ADGRE3: variants seen among roughly 807,000 people sequenced by gnomAD.
ADGRE3 encodes the protein EGF-like module receptor 3.
In ADGRE3, 88 loss-of-function variants were observed where a neutral mutation model predicts 80.1. That is an observed-to-expected ratio of 1.10 (90% CI 0.93 to 1.31). The LOEUF (loss-of-function observed/expected upper bound fraction) is 1.31. Among genes scored for constraint, ADGRE3 ranks in the 40% most tolerant of loss-of-function variants. ADGRE3 has a pLI of 0.00. For synonymous variants in ADGRE3, 281 were observed against 294.8 expected (o/e 0.95, Z 0.48); for missense variants, 715 against 776.5 (o/e 0.92, Z 0.94).
At chr19:14,620,463 T>TATGTATATTCATGTATATATGAATATAG (rs1970523360) in intron 15 of ADGRE3, among the ~76,000 whole-genome samples, 2 of 119,106 alleles carry the variant, frequency 1.7e-5, no homozygotes, top group African/African-American at 6.2e-5. Context: ...TATGAATATA[T>TATGTATATTCATGTATATATGAATATAG]GAATATATTA....
chr19:14,637,988 T>C, intron 11 of ADGRE3, 117 bp downstream of exon 11: 2 of 737,820 alleles, frequency 2.7e-6, no homozygotes, highest in Non-Finnish European at 4.7e-6. Flanking sequence ...GTTAGAGCTG[T>C]TATAAAGGAG....
chr19:14,645,430 G>A (rs1276389657), intron 8 of ADGRE3, among the ~76,000 whole-genome samples: 3 of 152,126 alleles, frequency 2.0e-5, no homozygotes, highest in African/African-American at 7.2e-5. Context: ...AAGCCAAGGC[G>A]GGTGGATCAC....
rs1319799727 is a variant in ADGRE3 at position 14,623,291 on chromosome 19, A to T, written c.1920+2201T>A. ...TAAATATGCCTAAAATACTTAAAAA[A>T]AAAAAAATAAAAAAAAAAAAAAATA... On this transcript the variant is annotated intron_variant, in intron 15 of 15. Coordinates refer to ENST00000253673, the MANE Select transcript of ADGRE3 (RefSeq NM_032571.5). 3.2e-4 allele frequency among the ~76,000 whole-genome samples: 7 copies of T among 22,078 alleles called. 1 individual carries two copies. Among genetic ancestry groups the T allele is most frequent in the African/African-American group, 8.6e-4 (5 of 5,800 alleles). The allele number at this position is 22,078 out of a possible 152,430, so 14.5% of individuals were successfully genotyped here.
In ADGRE3 at chr19:14,633,118, G is replaced by T. The variant is rs148098184; in HGVS notation, c.1552-106C>A. The T allele has an allele frequency of 5.6e-6, 7 of 1,244,092 alleles. No homozygotes were observed. The African/African-American group carries it at 8.9e-5, about 16-fold the overall frequency. The allele number at this position is 1,244,092 out of a possible 1,614,324, so 77.1% of individuals were successfully genotyped here. On this transcript the variant is annotated intron_variant, in intron 12 of 15. Transcript: ENST00000253673. The stretch of plus-strand genomic sequence containing the variant: ...ACCCTCTTGTACATGGGACTGAATT[G>T]GTAGCAGGTGGAAAATCAAACCACC...
At chr19:14,617,289 TTCTC>T (rs1272535101), downstream of ADGRE3, among the ~76,000 whole-genome samples, 2 of 150,230 alleles carry the variant, frequency 1.3e-5, no homozygotes, top group Non-Finnish European at 3.0e-5. Flanking sequence ...TTCTTTCTCT[TTCTC>T]TCTCTCTTCC....
At chr19:14,660,271 A>G (rs1012946044) in intron 4 of ADGRE3, among the ~76,000 whole-genome samples, 1 of 152,198 alleles carries the variant, frequency 6.6e-6, no homozygotes, top group Non-Finnish European at 1.5e-5. Context: ...TTAACATCAG[A>G]ACCCAGGTAG....
intron 4 of ADGRE3, among the ~76,000 whole-genome samples, chr19:14,660,660 C>A (rs986522139): frequency 1.3e-5 from 2 of 151,898 alleles, no homozygotes; most frequent in Non-Finnish European, 2.9e-5. Flanking sequence ...ATTATCCCTA[C>A]GGTAGTCAAT....
chr19:14,620,144 C>T (rs1970497337), intron 15 of ADGRE3, among the ~76,000 whole-genome samples: 1 of 151,946 alleles, frequency 6.6e-6, no homozygotes, highest in Non-Finnish European at 1.5e-5. Flanking sequence ...GAAAGTTAAC[C>T]CAAGGTCAAA....
chr19:14,665,287 T>C (rs1972061261), intron 2 of ADGRE3, among the ~76,000 whole-genome samples: 1 of 151,656 alleles, frequency 6.6e-6, no homozygotes, highest in African/African-American at 2.4e-5. Context: ...TTGGTCTTGA[T>C]CTCCTGACCT....
At chr19:14,645,958 T>A (rs1029955991) in intron 8 of ADGRE3, among the ~76,000 whole-genome samples, 2 of 152,176 alleles carry the variant, frequency 1.3e-5, no homozygotes, top group African/African-American at 4.8e-5. Context: ...GACAACAGAA[T>A]GAGACCCTTT....
chr19:14,662,226 G>C, intron 3 of ADGRE3, 108 bp from the exon 4 acceptor site: 2 of 1,104,984 alleles, frequency 1.8e-6, no homozygotes, highest in Non-Finnish European at 2.6e-6. Context: ...CTGGCTTTCC[G>C]AGACAAATCA....
chr19:14,615,966 C>CTT (rs376499489), downstream of ADGRE3, among the ~76,000 whole-genome samples: 37,347 of 141,190 alleles, frequency 0.26, 5,244 homozygotes, highest in Admixed American at 0.32. Flanking sequence ...CTCTGCCTTA[C>CTT]TTTTTTTTTT....
intron 6 of ADGRE3, among the ~76,000 whole-genome samples, chr19:14,654,524 C>T (rs1023139283): frequency 2.6e-5 from 4 of 152,092 alleles, no homozygotes; most frequent in African/African-American, 9.7e-5. Flanking sequence ...CTCAGCCTCC[C>T]AAAGTGCTGG....
chr19:14,605,968 A>G, the ADGRE3 span, among the ~76,000 whole-genome samples: 1 of 152,156 alleles, frequency 6.6e-6, no homozygotes, highest in South Asian at 2.1e-4. Context: ...TCGAACTCCT[A>G]GTCTCAAGCG....
At chr19:14,665,208 T>A (rs1972057565) in intron 2 of ADGRE3, among the ~76,000 whole-genome samples, 1 of 150,868 alleles carries the variant, frequency 6.6e-6, no homozygotes, top group African/African-American at 2.4e-5. Flanking sequence ...GGACTAGAGG[T>A]GCCCGCCACC....
chr19:14,630,033 G>C lies in ADGRE3; in HGVS notation c.1812+6C>G, dbSNP rs756759565. 8 of 1,597,244 alleles carry C rather than the reference G, an allele frequency of 5.0e-6. No homozygotes were observed. The highest frequency in any genetic ancestry group is 1.7e-4 in the Middle Eastern group (1 of 5,984). On this transcript the variant is annotated splice_donor_region_variant and intron_variant, in intron 14 of 15. Coordinates refer to ENST00000253673, the MANE Select transcript of ADGRE3 (RefSeq NM_032571.5). Reference sequence around the variant, plus strand: ...TTAAATAACAAAGAAAGGGGTCAGTGTTTACCTGCTGGCTGAGGAGGCAGT... The same window carrying C: ...TTAAATAACAAAGAAAGGGGTCAGTCTTTACCTGCTGGCTGAGGAGGCAGT...
intron 1 of ADGRE3, among the ~76,000 whole-genome samples, chr19:14,672,360 C>T (rs1972280062): frequency 6.6e-6 from 1 of 152,130 alleles, no homozygotes; most frequent in Admixed American, 6.5e-5. Flanking sequence ...AACAGGTCCC[C>T]TGGGGTTAAG....
Position 14,644,239 on chromosome 19 carries a change from A to G in ADGRE3, c.919T>C (p.Trp307Arg). The change falls in exon 9 of 16, where the codon TGG (tryptophan) becomes CGG (arginine). Residue 307 changes from tryptophan (W) to arginine (R), a missense_variant. Transcript: ENST00000253673. ...PSTKKVFCVY[W>R]KSTGQGSQWS... ...TGGCTGCCCTGCCCTGTGCTCTTCC[A>G]GTAGACACAGAAGACCTTTTTGGTA... 2 of 1,589,500 alleles carry G rather than the reference A, an allele frequency of 1.3e-6. No homozygotes were observed. The highest frequency in any genetic ancestry group is 1.7e-6 in the Non-Finnish European group (2 of 1,169,394).
chr19:14,646,239 C>T (rs909570909), intron 8 of ADGRE3, among the ~76,000 whole-genome samples: 4 of 152,146 alleles, frequency 2.6e-5, no homozygotes, highest in African/African-American at 9.7e-5. Context: ...TCTCCTGCCT[C>T]ACCCTCCCAA....
Sources: allele counts gnomAD v4.1 joint callset (sites outside exome capture counted in the v4.1 genomes callset), GRCh38; gene constraint gnomAD v4.1.1; transcripts MANE v1.5; gene names NCBI Gene and HGNC (gene_info 2026-07-23, HGNC 2026-07-21).